Variants in CTNNA3 observed in about 807,000 individuals in gnomAD.
CTNNA3 encodes catenin alpha 3, also known as catenin alpha-3.
CTNNA3 carries 76 observed loss-of-function variants against 95.7 expected under a neutral mutation model. That is an observed-to-expected ratio of 0.79 (90% CI 0.66 to 0.96). CTNNA3 has a LOEUF of 0.96. Ranked by LOEUF, CTNNA3 falls within the 40% of genes least tolerant of loss-of-function variation. The pLI, the probability that CTNNA3 is intolerant of heterozygous loss-of-function variation, is 0.00. For missense variants in CTNNA3, 1,191 were observed against 1,089.8 expected (o/e 1.09, Z -1.31); for synonymous variants, 431 against 374.4 (o/e 1.15, Z -1.74).
chr10:67,661,487 T>C (rs1028283373), intron 1 of CTNNA3, among the ~76,000 whole-genome samples: 47 of 152,164 alleles, frequency 3.1e-4, no homozygotes, highest in Non-Finnish European at 6.3e-4. Context: ...AAAAAAATCA[T>C]TGTAACCTTG....
intron 1 of CTNNA3, among the ~76,000 whole-genome samples, chr10:67,748,463 GA>G (rs1841385015): frequency 6.6e-6 from 1 of 152,138 alleles, no homozygotes; most frequent in African/African-American, 2.4e-5. Flanking sequence ...CATTCTTAAA[GA>G]AAAGAATTTC....
intron 6 of CTNNA3, among the ~76,000 whole-genome samples, chr10:67,201,588 A>G (rs1440149432): frequency 6.6e-6 from 1 of 152,056 alleles, no homozygotes; most frequent in Non-Finnish European, 1.5e-5. Flanking sequence ...TTTAACTTCA[A>G]GTGTTCATTT....
At chr10:67,462,223 T>G (rs1847405387) in intron 5 of CTNNA3, among the ~76,000 whole-genome samples, 1 of 152,192 alleles carries the variant, frequency 6.6e-6, no homozygotes, top group African/African-American at 2.4e-5. Flanking sequence ...GAGTGGTTGC[T>G]ATTTCCAGCA....
intron 14 of CTNNA3, among the ~76,000 whole-genome samples, chr10:66,077,249 G>C (rs2080584689): frequency 6.6e-6 from 1 of 151,676 alleles, no homozygotes; most frequent in East Asian, 1.9e-4. Context: ...GTTATTTCTA[G>C]GTAATGGGAA....
chr10:66,401,262 T>G (rs1401699216), intron 11 of CTNNA3, among the ~76,000 whole-genome samples: 1 of 152,016 alleles, frequency 6.6e-6, no homozygotes, highest in Non-Finnish European at 1.5e-5. Context: ...AGCAGTGGCT[T>G]ATTCCTATAA....
At chr10:66,544,122 C>T (rs542914794) in intron 10 of CTNNA3, among the ~76,000 whole-genome samples, 6 of 151,888 alleles carry the variant, frequency 4.0e-5, no homozygotes, top group African/African-American at 1.4e-4. Context: ...TAATGTGACT[C>T]AAGGCTTCAT....
At chr10:67,097,905 C>T in intron 7 of CTNNA3, 1 of 933,346 alleles carries the variant, frequency 1.1e-6, no homozygotes, top group Non-Finnish European at 1.6e-6. Context: ...ACACAAAATC[C>T]CCTGTTCAAA....
chr10:67,250,681 T>C (rs1465069744), intron 5 of CTNNA3, among the ~76,000 whole-genome samples: 3 of 152,132 alleles, frequency 2.0e-5, no homozygotes, highest in African/African-American at 4.8e-5. Context: ...CCAGCGCATA[T>C]GGAGGGCCAT....
intron 9 of CTNNA3, among the ~76,000 whole-genome samples, chr10:66,676,410 C>T (rs10822871): frequency 0.55 from 83,320 of 151,746 alleles, 23,519 homozygotes; most frequent in African/African-American, 0.67. Context: ...ATGACTGTGG[C>T]AGCAAGAGAG....
At chr10:66,515,179 T>C (rs181754486) in intron 11 of CTNNA3, among the ~76,000 whole-genome samples, 3 of 152,188 alleles carry the variant, frequency 2.0e-5, no homozygotes, top group East Asian at 3.9e-4. Context: ...CATTTTAATG[T>C]AGAGAGAGCT....
At chr10:66,424,328 T>C (rs1372493766) in intron 11 of CTNNA3, among the ~76,000 whole-genome samples, 3 of 152,024 alleles carry the variant, frequency 2.0e-5, no homozygotes, top group Admixed American at 6.6e-5. Context: ...TTTATTTTCT[T>C]CTACTTTTTC....
At chr10:67,469,208 G>T (rs944244184) in intron 5 of CTNNA3, among the ~76,000 whole-genome samples, 10 of 152,142 alleles carry the variant, frequency 6.6e-5, no homozygotes, top group African/African-American at 1.7e-4. Flanking sequence ...GAGACATACA[G>T]TGTTATTCAT....
chr10:67,560,595 G>C (rs542330905), intron 3 of CTNNA3, among the ~76,000 whole-genome samples: 6 of 152,138 alleles, frequency 3.9e-5, no homozygotes, highest in Admixed American at 2.0e-4. Context: ...AGGAAAATAG[G>C]CAGCTAACAT....
intron 10 of CTNNA3, among the ~76,000 whole-genome samples, chr10:66,594,209 C>A (rs1036097345): frequency 1.3e-5 from 2 of 152,062 alleles, no homozygotes; most frequent in Admixed American, 6.6e-5. Context: ...TCATCTTGCC[C>A]TTTTAGCACA....
At position 66,069,442 on chromosome 10, in the gene CTNNA3, C is replaced by T. The variant is rs940633257; in HGVS notation, c.2025G>A (p.Glu675=). The change falls in exon 15 of 18, where the codon GAG becomes GAA. Residue 675 remains glutamate, a synonymous_variant. Transcript: ENST00000433211. ...LPEAEKEKIA[E]QVADFKKVKS... is the part of the protein sequence containing the mutation. ...TTACTTTCTTGAAATCAGCAACTTG[C>T]TCAGCAATCTTTTCTTTTTCTGCCT... 5.6e-6 allele frequency: 9 copies of T among 1,613,258 alleles called. No homozygotes were observed. The Admixed American group carries it at 1.0e-4, about 18-fold the overall frequency.
At chr10:66,803,270 C>T (rs1335016087) in intron 7 of CTNNA3, among the ~76,000 whole-genome samples, 1 of 151,868 alleles carries the variant, frequency 6.6e-6, no homozygotes, top group Non-Finnish European at 1.5e-5. Context: ...TACAATCCGC[C>T]GTCATCAACT....
intron 13 of CTNNA3, among the ~76,000 whole-genome samples, chr10:66,168,442 C>A (rs542281864): frequency 5.9e-5 from 9 of 152,282 alleles, no homozygotes; most frequent in African/African-American, 1.9e-4. Flanking sequence ...GCTTACTGTA[C>A]ACTATCGTTC....
At chr10:66,791,905 T>C (rs556575358) in intron 7 of CTNNA3, among the ~76,000 whole-genome samples, 2 of 152,302 alleles carry the variant, frequency 1.3e-5, no homozygotes, top group South Asian at 4.1e-4. Context: ...CTATAATCCG[T>C]ATACATATAA....
chr10:66,664,196 C>T (rs541626811), intron 9 of CTNNA3, among the ~76,000 whole-genome samples: 1 of 151,956 alleles, frequency 6.6e-6, no homozygotes. Flanking sequence ...GTTTAATCTC[C>T]CCCAGACACT....
Sources: gnomAD v4.1 joint callset for allele counts (sites outside exome capture counted in the v4.1 genomes callset) on GRCh38, gnomAD v4.1.1 for gene constraint, MANE v1.5 for transcripts, NCBI Gene and HGNC (gene_info 2026-07-23, HGNC 2026-07-21) for gene names.